PLXNA1: variants seen among roughly 807,000 people sequenced by gnomAD.
PLXNA1 encodes the protein plexin A1.
PLXNA1 carries 77 observed loss-of-function variants against 191.7 expected under a neutral mutation model. The observed-to-expected ratio is 0.40, with a 90% CI of 0.33 to 0.49. The LOEUF (loss-of-function observed/expected upper bound fraction) is 0.49. Ranked by LOEUF, PLXNA1 falls within the 20% of genes least tolerant of loss-of-function variation. The pLI is 0.63. For missense variants in PLXNA1, 2,110 were observed against 2,660.2 expected, an observed-to-expected ratio of 0.79 and a Z score of 4.55; for synonymous variants, 1,137 against 1,156.4, an observed-to-expected ratio of 0.98 and a Z score of 0.34.
At chr3:127,029,599 CCCGGGCT>C (rs2079195665) in intron 27 of PLXNA1, 63 bp downstream of exon 27, 9 of 1,536,116 alleles carry the variant, frequency 5.9e-6, no homozygotes, top group Non-Finnish European at 7.2e-6. Context: ...CAGGACGTCC[CCCGGGCT>C]CCCACGCTGC....
intron 21 of PLXNA1, 68 bp from the exon 22 acceptor site, chr3:127,022,017 C>A: frequency 6.4e-7 from 1 of 1,564,514 alleles, no homozygotes. Context: ...TGGACAGCCC[C>A]TCACTGGTCA....
chr3:127,018,469 A>G lies in PLXNA1; in HGVS notation c.3836A>G (p.Lys1279Arg). Residue 1279 changes from lysine to arginine, a missense_variant, in exon 20 of 32, where the codon AAG (lysine) becomes AGG (arginine). Physicochemically the swap from Lys to Arg is conservative, Grantham distance 26. Coordinates refer to ENST00000393409, the MANE Select transcript of PLXNA1 (RefSeq NM_032242.4). ...RKSRDADRTLKRLQLQMDNLE... is the reference protein window; with the variant it reads ...RKSRDADRTLRRLQLQMDNLE... ...TCACGAGATGCTGACCGCACACTCA[A>G]GCGGCTGCAGCTCCAGATGGACAAC... 6.2e-7 allele frequency: 1 copy of G among 1,612,772 alleles called. No individual in the cohort carries two copies. Among genetic ancestry groups the G allele is most frequent in the African/African-American group, 1.3e-5 (1 of 75,062 alleles).
chr3:127,012,821 TGGA>T (rs2079102400), intron 10 of PLXNA1, among the ~76,000 whole-genome samples: 1 of 152,232 alleles, frequency 6.6e-6, no homozygotes, highest in Admixed American at 6.5e-5. Context: ...GCCCAGCAGT[TGGA>T]GGCCTGGGCT....
chr3:126,998,867 T>G (rs1218872069), intron 3 of PLXNA1, among the ~76,000 whole-genome samples: 5 of 152,128 alleles, frequency 3.3e-5, no homozygotes, highest in African/African-American at 1.2e-4. Flanking sequence ...CCTAGGACAC[T>G]CTCTCCCCCG....
At chr3:127,020,366 G>C in intron 21 of PLXNA1, 22 bp downstream of exon 21, 1 of 1,609,636 alleles carries the variant, frequency 6.2e-7, no homozygotes, top group Non-Finnish European at 8.5e-7. Flanking sequence ...GGCTCCGGGG[G>C]GTCACAGGAA....
chr3:127,017,279 C>T lies in PLXNA1; in HGVS notation c.3277-146C>T, dbSNP rs928001794. 115 of 1,229,016 alleles carry T rather than the reference C, an allele frequency of 9.4e-5. No individual in the cohort carries two copies. The Admixed American group carries it at 2.3e-3, about 24-fold the overall frequency. 76.1% of individuals were successfully genotyped at this position (1,229,016 alleles called of 1,614,324 possible). ...CAGGCCACATGTCCCTGGTCCACGT[C>T]GGGTGGGTGGCCCAGGACCAGCCCT... is the stretch of plus-strand genomic sequence containing the variant. On this transcript the variant is annotated intron_variant, in intron 17 of 31. Coordinates refer to ENST00000393409, the MANE Select transcript of PLXNA1 (RefSeq NM_032242.4).
chr3:127,028,150 A>C (rs763268365), intron 24 of PLXNA1, 31 bp from the exon 25 acceptor site: 1 of 1,607,110 alleles, frequency 6.2e-7, no homozygotes, highest in Non-Finnish European at 8.5e-7. Flanking sequence ...TGTGGGGCTG[A>C]CGCTGCCCCC....
intron 7 of PLXNA1, among the ~76,000 whole-genome samples, chr3:127,005,491 C>G (rs1396697901): frequency 2.0e-5 from 3 of 152,192 alleles, no homozygotes; most frequent in Non-Finnish European, 4.4e-5. Flanking sequence ...TAGGATTTAT[C>G]TTATGGGCTC....
chr3:126,994,152 G>T (rs1361689731), intron 3 of PLXNA1, among the ~76,000 whole-genome samples: 1 of 152,122 alleles, frequency 6.6e-6, no homozygotes, highest in African/African-American at 2.4e-5. Context: ...CTCAAGGCAG[G>T]TGCTCAGGGC....
chr3:126,988,770 G>C lies in PLXNA1; in HGVS notation c.177G>C (p.Gln59His). 6.2e-7 allele frequency: 1 copy of C among 1,604,544 alleles called. No homozygotes were observed. Among genetic ancestry groups the C allele is most frequent in the South Asian group, 1.1e-5 (1 of 89,642 alleles). ...TCACCCACCTAGTGGTGCATGAGCA[G>C]ACAGGCGAGGTGTATGTGGGCGCAG... ...WGLTHLVVHE[Q>H]TGEVYVGAVN... Residue 59 changes from glutamine (Q) to histidine (H), a missense_variant, in exon 2 of 32, where the codon CAG (glutamine) becomes CAC (histidine). By Grantham distance (24) the Gln-to-His change is conservative (BLOSUM62 0). This residue lies in a region of PLXNA1 where 903 missense variants were observed against 1,015.7 expected (regional missense o/e 0.89). Transcript: ENST00000393409.
In PLXNA1 at chr3:127,014,131, C is replaced by T. The variant is rs112410743; in HGVS notation, c.2410+15C>T. ...GAACATCCAGGGTGAGTGGGCGCCC[C>T]GGCGGGGTGGGCAGTGGGCGGGCCC... On this transcript the variant is annotated intron_variant, in intron 11 of 31. Coordinates refer to ENST00000393409, the MANE Select transcript of PLXNA1 (RefSeq NM_032242.4). 4.5e-4 allele frequency: 727 copies of T among 1,613,310 alleles called. 6 individuals carry two copies. The African/African-American group carries it at 8.5e-3, about 19-fold the overall frequency.
chr3:126,997,143 G>A (rs886072900), intron 3 of PLXNA1, among the ~76,000 whole-genome samples: 1 of 152,222 alleles, frequency 6.6e-6, no homozygotes, highest in Admixed American at 6.5e-5. Flanking sequence ...CTCATGTTGC[G>A]TGTTTCAAGC....
chr3:127,014,670 G>A (rs1479305040), intron 13 of PLXNA1, 41 bp downstream of exon 13: 1 of 1,611,070 alleles, frequency 6.2e-7, no homozygotes. Context: ...GGACGGGACG[G>A]GGCGGGGCTC....
chr3:127,032,343 G>A (rs1168522485), intron 29 of PLXNA1, 44 bp from the exon 30 acceptor site: 1 of 1,579,484 alleles, frequency 6.3e-7, no homozygotes, highest in Admixed American at 1.7e-5. Flanking sequence ...TGCTCAGGAG[G>A]GAGCAGAGGC....
At chr3:126,994,969 C>T (rs953511388) in intron 3 of PLXNA1, among the ~76,000 whole-genome samples, 6 of 152,226 alleles carry the variant, frequency 3.9e-5, no homozygotes, top group Admixed American at 6.5e-5. Flanking sequence ...GAGCTGGGCC[C>T]TGGGGACCCC....
At chr3:127,017,132 C>A in intron 17 of PLXNA1, 95 bp downstream of exon 17, 1 of 1,183,166 alleles carries the variant, frequency 8.5e-7, no homozygotes, top group Non-Finnish European at 1.2e-6. Context: ...CCTGCCCCTA[C>A]CCCTGCCCCT....
chr3:127,003,441 C>T lies in PLXNA1; in HGVS notation c.1489C>T (p.Gln497Ter). 6.2e-7 allele frequency: 1 copy of T among 1,611,518 alleles called. No individual in the cohort carries two copies. Among genetic ancestry groups the T allele is most frequent in the Non-Finnish European group, 8.5e-7 (1 of 1,179,242 alleles). Residue 497 changes from glutamine (Q) to a stop codon, truncating the protein, a stop_gained, in exon 4 of 32, where the codon CAG becomes TAG. Transcript: ENST00000393409. LOFTEE classifies it high-confidence loss of function. ...LRDLVLSPNH[Q>*]YLYAMTEKQV... ...AGACCTCGTCCTCAGCCCCAACCAC[C>T]AGTACCTCTACGCCATGACCGAGAA...
At position 127,014,757 on chromosome 3, in the gene PLXNA1, G is replaced by A. The variant is rs1206783819; in HGVS notation, c.2803G>A (p.Ala935Thr). Reference sequence around the variant, plus strand: ...CGCCAGCTCCGTGCGTGCCCATGACGCCCTGGTGGAGGTGTGTGTGCGGGA... The same window carrying A: ...CGCCAGCTCCGTGCGTGCCCATGACACCCTGGTGGAGGTGTGTGTGCGGGA... ...GDASSVRAHD[A>T]LVEVCVRDCS... Residue 935 changes from alanine to threonine, a missense_variant, in exon 14 of 32, where the codon GCC becomes ACC. Coordinates refer to ENST00000393409, the MANE Select transcript of PLXNA1 (RefSeq NM_032242.4). 5 of 1,612,470 alleles carry A rather than the reference G, an allele frequency of 3.1e-6. No individual in the cohort carries two copies. Among genetic ancestry groups the A allele is most frequent in the South Asian group, 1.1e-5 (1 of 91,050 alleles).
At chr3:127,030,900 G>A (rs1381960584) in intron 29 of PLXNA1, among the ~76,000 whole-genome samples, 2 of 152,312 alleles carry the variant, frequency 1.3e-5, no homozygotes, top group African/African-American at 2.4e-5. Context: ...ACGGTCTCAC[G>A]GAGCAGCTGG....
Sources: gnomAD v4.1 joint callset for allele counts (sites outside exome capture counted in the v4.1 genomes callset) on GRCh38, gnomAD v4.1.1 for gene constraint, gnomAD v4.1.1 regional missense constraint, MANE v1.5 for transcripts, NCBI Gene and HGNC (gene_info 2026-07-23, HGNC 2026-07-21) for gene names.